GALNT16: variants seen among roughly 807,000 people sequenced by gnomAD.
GALNT16 encodes polypeptide N-acetylgalactosaminyltransferase 16.
GALNT16 carries 40 observed loss-of-function variants against 76.1 expected under a neutral mutation model. That is an observed-to-expected ratio of 0.53 (90% CI 0.41 to 0.68). GALNT16 has a LOEUF of 0.68. Ranked by LOEUF, GALNT16 falls within the 30% of genes least tolerant of loss-of-function variation. The probability of loss-of-function intolerance (pLI) is 0.00; values close to 1 mark genes in which losing one functional copy is unlikely to be tolerated. For missense variants in GALNT16, 621 were observed against 731.9 expected (o/e 0.85, Z 1.75); for synonymous variants, 276 against 285.2 (o/e 0.97, Z 0.32).
At chr14:69,367,662 AAAAG>A in the GALNT16 span, among the ~76,000 whole-genome samples, 1 of 151,578 alleles carries the variant, frequency 6.6e-6, no homozygotes, top group Non-Finnish European at 1.5e-5. Flanking sequence ...AAAAAAAAGA[AAAAG>A]AAAAAAGAAA....
chr14:69,287,782 T>A (rs1290047776), intron 1 of GALNT16, among the ~76,000 whole-genome samples: 1 of 152,298 alleles, frequency 6.6e-6, no homozygotes, highest in African/African-American at 2.4e-5. Flanking sequence ...GTGTTCAGAT[T>A]TGAGGTGAAA....
chr14:69,259,724 T>G (rs977513709), upstream of GALNT16: 3 of 153,568 alleles, frequency 2.0e-5, no homozygotes, highest in Admixed American at 1.3e-4. Context: ...AGCCCGGAAC[T>G]GCAGCTCGCG....
chr14:69,364,824 G>A, the GALNT16 span, among the ~76,000 whole-genome samples: 1 of 152,162 alleles, frequency 6.6e-6, no homozygotes, highest in South Asian at 2.1e-4. The surrounding 1 kb of genome is among the most constrained non-coding windows in gnomAD (Gnocchi z 4.2). Context: ...CAAAGGAAGG[G>A]GAGCAGGTGG....
chr14:69,355,578 T>G (rs1483017547), downstream of GALNT16: 1 of 152,628 alleles, frequency 6.6e-6, no homozygotes, highest in Non-Finnish European at 1.5e-5. Context: ...GCCCATTTTC[T>G]GTGCCACCCA....
At chr14:69,369,776 C>T in the GALNT16 span, among the ~76,000 whole-genome samples, 1 of 152,198 alleles carries the variant, frequency 6.6e-6, no homozygotes, top group African/African-American at 2.4e-5. Flanking sequence ...AATCAGCTGT[C>T]AACTGTCAGC....
intron 1 of GALNT16, among the ~76,000 whole-genome samples, chr14:69,263,857 G>A (rs971307198): frequency 5.9e-5 from 9 of 152,206 alleles, no homozygotes; most frequent in Admixed American, 2.0e-4. Context: ...GGCTGCTTAC[G>A]ATGCGGCAAG....
intron 1 of GALNT16, among the ~76,000 whole-genome samples, chr14:69,307,288 C>A (rs943952641): frequency 1.3e-5 from 2 of 152,188 alleles, no homozygotes; most frequent in Admixed American, 1.3e-4. Context: ...GTACCTCGAG[C>A]AGCTACTGTG....
intron 1 of GALNT16, among the ~76,000 whole-genome samples, chr14:69,288,996 G>A (rs1294901689): frequency 6.6e-6 from 1 of 152,166 alleles, no homozygotes; most frequent in Non-Finnish European, 1.5e-5. Flanking sequence ...TCCTGCCTCA[G>A]CCTCCTGGGT....
At chr14:69,316,265 G>C (rs558542051) in intron 1 of GALNT16, among the ~76,000 whole-genome samples, 1 of 152,178 alleles carries the variant, frequency 6.6e-6, no homozygotes, top group African/African-American at 2.4e-5. Flanking sequence ...GGATGGTGGG[G>C]AAAGGAGGAA....
chr14:69,351,013 G>A (rs45552031), intron 14 of GALNT16: 25,017 of 152,318 alleles, frequency 0.16, 2,521 homozygotes, highest in Middle Eastern at 0.27. Flanking sequence ...TCAAACCCGG[G>A]GTCGGGGAGG....
In GALNT16 at chr14:69,260,425, G is replaced by T. The variant is rs774415698; in HGVS notation, c.135G>T (p.Arg45Ser). The change falls in exon 1 of 15, where the codon AGG (arginine) becomes AGT (serine). Residue 45 changes from arginine (R) to serine (S), a missense_variant. Transcript: ENST00000448469. ...GCCGGGGCGCGCAGAGGGCAGGCAGGAGGTCGGAGCAGCTCCGCGAGGACC... is the reference window on the plus strand; with the variant it reads ...GCCGGGGCGCGCAGAGGGCAGGCAGTAGGTCGGAGCAGCTCCGCGAGGACC... ...SGGRGAQRAG[R>S]RSEQLREDRT... The T allele has an allele frequency of 1.3e-6, 2 of 1,592,756 alleles. No individual in the cohort carries two copies. The highest frequency in any genetic ancestry group is 2.3e-5 in the East Asian group (1 of 43,916).
intron 12 of GALNT16, 141 bp downstream of exon 12, chr14:69,341,905 C>T (rs912059945): frequency 6.0e-5 from 39 of 647,134 alleles, no homozygotes; most frequent in Middle Eastern, 5.8e-4. Context: ...CTTCACGTGA[C>T]GGCTGTGGGG....
rs765892301 is a variant in GALNT16 at position 69,316,774 on chromosome 14, T to TGGG, written c.178-3936_178-3935insGGG. 8.0e-3 allele frequency among the ~76,000 whole-genome samples: 337 copies of TGGG among 42,342 alleles called. 3 individuals are homozygous for TGGG. The highest frequency in any genetic ancestry group is 0.027 in the South Asian group (24 of 880). 27.8% of individuals were successfully genotyped at this position (42,342 alleles called of 152,430 possible). A position where few individuals can be genotyped will look rare whatever the true frequency, so the allele number is the denominator to read the frequency against. On this transcript the variant is annotated intron_variant, in intron 1 of 14. Transcript: ENST00000448469. The stretch of plus-strand genomic sequence containing the variant: ...TGTGAGCTTGGGGGCTTGTAGTCTG[T>TGGG]GAGGGGGGGGGGCACTGAAGGTCAC...
chr14:69,339,624 G>A lies in GALNT16; in HGVS notation c.1187+5G>A. The A allele has an allele frequency of 6.4e-7, 1 of 1,561,724 alleles. No individual in the cohort carries two copies. Among genetic ancestry groups the A allele is most frequent in the Non-Finnish European group, 8.8e-7 (1 of 1,139,608 alleles). ...CATCGGGAAGGCCTTCGGCAGGTGGGCCCCCCCAGCTCCACTGTCTGACTC... is the reference window on the plus strand; with the variant it reads ...CATCGGGAAGGCCTTCGGCAGGTGGACCCCCCCAGCTCCACTGTCTGACTC... On this transcript the variant is annotated splice_donor_5th_base_variant and intron_variant, in intron 11 of 14. Transcript: ENST00000448469.
intron 11 of GALNT16, among the ~76,000 whole-genome samples, chr14:69,339,863 C>T (rs2045464951): frequency 1.3e-5 from 2 of 152,236 alleles, no homozygotes; most frequent in South Asian, 4.1e-4. Flanking sequence ...TGCCTGTCCA[C>T]AGCTGCCTGC....
chr14:69,382,919 C>T, the GALNT16 span, among the ~76,000 whole-genome samples: 1 of 152,052 alleles, frequency 6.6e-6, no homozygotes, highest in Non-Finnish European at 1.5e-5. Flanking sequence ...GTCATTGGCA[C>T]AGATGAATCT....
At chr14:69,345,341 G>A (rs762101685) in intron 12 of GALNT16, among the ~76,000 whole-genome samples, 1 of 152,136 alleles carries the variant, frequency 6.6e-6, no homozygotes, top group Non-Finnish European at 1.5e-5. Context: ...TGCTGCCAGG[G>A]GTGTGGGAGA....
chr14:69,344,329 T>C (rs1030116503), intron 12 of GALNT16, among the ~76,000 whole-genome samples: 2 of 152,266 alleles, frequency 1.3e-5, no homozygotes, highest in African/African-American at 4.8e-5. Flanking sequence ...GCTAGTTGCA[T>C]AGTAGACATT....
chr14:69,325,526 G>A (rs1478120964), intron 4 of GALNT16, 122 bp downstream of exon 4: 1 of 721,436 alleles, frequency 1.4e-6, no homozygotes, highest in African/African-American at 1.7e-5. Context: ...GCCCCCAGCA[G>A]GGATCCTGTC....
Sources: gnomAD v4.1 joint callset for allele counts (sites outside exome capture counted in the v4.1 genomes callset) on GRCh38, gnomAD v4.1.1 for gene constraint, Gnocchi (gnomAD v3.1) non-coding constraint, MANE v1.5 for transcripts, NCBI Gene and HGNC (gene_info 2026-07-23, HGNC 2026-07-21) for gene names.